Variants in ASIC5 observed in about 807,000 individuals in gnomAD.
ASIC5 encodes acid sensing ion channel subunit family member 5, also known as bile acid-sensitive ion channel.
ASIC5 carries 52 observed loss-of-function variants against 51.2 expected under a neutral mutation model. The ratio of observed to expected loss-of-function variants is 1.02; its 90% CI spans 0.81 to 1.28. The LOEUF is 1.28. ASIC5 is among the 50% of genes most tolerant of loss of function. The pLI is 0.00. For synonymous variants in ASIC5, 231 were observed against 200.7 expected (o/e 1.15, Z -1.28); for missense variants, 635 against 595.0 (o/e 1.07, Z -0.70).
chr4:155,865,969 C>T (rs1741851787), intron 1 of ASIC5, among the ~76,000 whole-genome samples: 1 of 152,106 alleles, frequency 6.6e-6, no homozygotes, highest in African/African-American at 2.4e-5. Flanking sequence ...CAGATTCTGG[C>T]ATATAGTAAT....
intron 4 of ASIC5, 21 bp from the exon 5 acceptor site, chr4:155,843,851 TG>T: frequency 6.2e-7 from 1 of 1,612,742 alleles, no homozygotes. Context: ...AATATGTTTT[TG>T]CCCAAATTGC....
rs770521300 is a variant in ASIC5, at chr4:155,843,701, C to A, written c.841G>T (p.Val281Leu). 2 of 1,613,484 alleles carry A rather than the reference C, an allele frequency of 1.2e-6. No homozygotes were observed. Among genetic ancestry groups the A allele is most frequent in the East Asian group, 4.5e-5 (2 of 44,852 alleles). The change falls in exon 5 of 10, where the codon GTA (valine) becomes TTA (leucine). Residue 281 changes from valine (V) to leucine (L), a missense_variant. Physicochemically the swap from Val to Leu is conservative, Grantham distance 32. Transcript: ENST00000537611. ...TTTACCTTCACTTGGCGGATGGTTA[C>A]CCTTGCGTGCATTCCCACAGGTGAC... Reference protein sequence around the residue: ...LLSPVGMHARVTIRQVKTVHQ... With the variant: ...LLSPVGMHARLTIRQVKTVHQ...
At chr4:155,859,326 A>C (rs1401107517) in intron 2 of ASIC5, among the ~76,000 whole-genome samples, 3 of 151,946 alleles carry the variant, frequency 2.0e-5, no homozygotes, top group Non-Finnish European at 4.4e-5. Context: ...TATTGACATG[A>C]ATATATAGGC....
chr4:155,853,040 A>C (rs28584373), intron 3 of ASIC5, among the ~76,000 whole-genome samples: 9,457 of 152,066 alleles, frequency 0.062, 986 homozygotes, highest in African/African-American at 0.21. Context: ...CATTTTTTGA[A>C]GCCAGACCTA....
chr4:155,862,945 C>T (rs1462395633), intron 2 of ASIC5, among the ~76,000 whole-genome samples: 1 of 152,110 alleles, frequency 6.6e-6, no homozygotes, highest in Non-Finnish European at 1.5e-5. Flanking sequence ...ATTTCAGAGC[C>T]CTTGCACATT....
In ASIC5 at chr4:155,863,879, A is replaced by G; in HGVS notation, c.41-125T>C. On this transcript the variant is annotated intron_variant, in intron 1 of 9. Transcript: ENST00000537611. ...ACTCTTTTTACTTGTAATTCATAGA[A>G]ACTAAAAATTCATCTTTTGTTGCAT... 2 of 776,638 alleles carry G rather than the reference A, an allele frequency of 2.6e-6. 1 individual carries two copies. Among genetic ancestry groups the G allele is most frequent in the South Asian group, 3.9e-5 (2 of 50,974 alleles). The allele number at this position is 776,638 out of a possible 1,614,324, so 48.1% of individuals were successfully genotyped here. A position where few individuals can be genotyped will look rare whatever the true frequency, so the allele number is the denominator to read the frequency against.
At chr4:155,859,712 T>G (rs570248049) in intron 2 of ASIC5, among the ~76,000 whole-genome samples, 2 of 152,166 alleles carry the variant, frequency 1.3e-5, no homozygotes, top group South Asian at 4.2e-4. Context: ...GTCTGAGTGT[T>G]CTCCTGCACA....
intron 4 of ASIC5, among the ~76,000 whole-genome samples, chr4:155,849,811 A>C (rs1164541674): frequency 6.6e-6 from 1 of 152,074 alleles, no homozygotes; most frequent in Non-Finnish European, 1.5e-5. Context: ...CTTAAACTTT[A>C]GAAGAAAGTA....
At position 155,857,245 on chromosome 4, in the gene ASIC5, C is replaced by T. The variant is rs140929189; in HGVS notation, c.348-2931G>A. Reference sequence around the variant, plus strand: ...CTCAAGCAATCCTCCCACTTCAGCCCCCCACATAGCTGGAACTACAGGTGT... The same window carrying T: ...CTCAAGCAATCCTCCCACTTCAGCCTCCCACATAGCTGGAACTACAGGTGT... On this transcript the variant is annotated intron_variant, in intron 2 of 9. Coordinates refer to ENST00000537611, the MANE Select transcript of ASIC5 (RefSeq NM_017419.3). Among the ~76,000 whole-genome samples, 201 of 151,984 alleles carry T rather than the reference C, an allele frequency of 1.3e-3. 4 individuals carry two copies. In the East Asian group the frequency reaches 0.025, roughly 19 times the overall value.
At position 155,854,269 on chromosome 4, in the gene ASIC5, T is replaced by C. The variant is rs768391368; in HGVS notation, c.393A>G (p.Leu131=). 4 of 1,613,072 alleles carry C rather than the reference T, an allele frequency of 2.5e-6. No individual in the cohort carries two copies. The highest frequency in any genetic ancestry group is 4.5e-5 in the East Asian group (2 of 44,800). Residue 131 remains leucine (L), a synonymous_variant, in exon 3 of 10, where the codon TTA becomes TTG. Coordinates refer to ENST00000537611, the MANE Select transcript of ASIC5 (RefSeq NM_017419.3). ...AVAKFGVIFF[L]WHIVSKVLHL... ...GGAGGACTTTGGATACAATGTGCCA[T>C]AAGAAAAAAATAACACCAAATTTGG...
chr4:155,838,649 C>T (rs1741047319), intron 7 of ASIC5, among the ~76,000 whole-genome samples, 164 bp downstream of exon 7: 1 of 151,990 alleles, frequency 6.6e-6, no homozygotes, highest in Non-Finnish European at 1.5e-5. Flanking sequence ...GTGTATACTG[C>T]CTGTGTTTGT....
chr4:155,862,291 C>T (rs1017775609), intron 2 of ASIC5, among the ~76,000 whole-genome samples: 3 of 152,034 alleles, frequency 2.0e-5, no homozygotes, highest in African/African-American at 7.2e-5. Flanking sequence ...ATCATACAAA[C>T]GGGCTATAAC....
In ASIC5 at chr4:155,834,284, A is replaced by T. The variant is rs1300237468; in HGVS notation, c.1236-2369T>A. ...CATTTATTTCTGTCCCAGGAAGACAAAAACATACACCTCCATGGTTAAGTT... is the reference window on the plus strand; with the variant it reads ...CATTTATTTCTGTCCCAGGAAGACATAAACATACACCTCCATGGTTAAGTT... On this transcript the variant is annotated intron_variant, in intron 8 of 9. Transcript: ENST00000537611. Among the ~76,000 whole-genome samples the T allele has an allele frequency of 2.6e-5, 4 of 152,292 alleles. No homozygotes were observed. In the East Asian group the frequency reaches 7.7e-4, roughly 29 times the overall value.
intron 2 of ASIC5, among the ~76,000 whole-genome samples, chr4:155,861,158 A>G (rs930983151): frequency 1.3e-5 from 2 of 151,996 alleles, no homozygotes; most frequent in African/African-American, 4.8e-5. Flanking sequence ...TTTACCTTGT[A>G]TATGGCCTTG....
chr4:155,833,267 C>T (rs1740909758), intron 8 of ASIC5, among the ~76,000 whole-genome samples: 1 of 151,988 alleles, frequency 6.6e-6, no homozygotes, highest in East Asian at 1.9e-4. Context: ...GAATCTGAAA[C>T]CAAGTACCTC....
At chr4:155,857,173 G>T (rs961966328) in intron 2 of ASIC5, among the ~76,000 whole-genome samples, 4 of 151,746 alleles carry the variant, frequency 2.6e-5, no homozygotes, top group Non-Finnish European at 5.9e-5. Flanking sequence ...GCCCAGGTTG[G>T]AGTGCAGAGG....
intron 2 of ASIC5, chr4:155,855,308 G>C (rs1741505184): frequency 2.0e-5 from 3 of 151,826 alleles, no homozygotes; most frequent in Admixed American, 2.0e-4. Flanking sequence ...TTAGACACCT[G>C]CCTGGAATAT....
Position 155,851,283 on chromosome 4 carries a change from T to G in ASIC5, c.711+908A>C, listed in dbSNP as rs143605259. Among the ~76,000 whole-genome samples, 686 of 152,168 alleles carry G rather than the reference T, an allele frequency of 4.5e-3. 2 individuals are homozygous for G. The highest frequency in any genetic ancestry group is 0.015 in the African/African-American group (639 of 41,564). On this transcript the variant is annotated intron_variant, in intron 4 of 9. Coordinates refer to ENST00000537611, the MANE Select transcript of ASIC5 (RefSeq NM_017419.3). ...ATATGTAGGTACATGCATTAAAGTT[T>G]GCAGTGTTATGTTTGGACGTAAAGA...
intron 2 of ASIC5, among the ~76,000 whole-genome samples, chr4:155,856,279 T>C (rs1489469173): frequency 6.6e-6 from 1 of 152,130 alleles, no homozygotes; most frequent in Non-Finnish European, 1.5e-5. Flanking sequence ...TCAGCCTATC[T>C]TTAGGGGGCC....
Sources: gnomAD v4.1 joint callset for allele counts (sites outside exome capture counted in the v4.1 genomes callset) on GRCh38, gnomAD v4.1.1 for gene constraint, MANE v1.5 for transcripts, NCBI Gene and HGNC (gene_info 2026-07-23, HGNC 2026-07-21) for gene names.